The following PCDH11Y variants were observed in gnomAD, a reference collection of about 807,000 sequenced individuals.
The protein encoded by PCDH11Y is protocadherin-11 Y-linked.
For missense variants in PCDH11Y, 12 were observed against 224.8 expected (o/e 0.05, Z 6.05); for synonymous variants, 9 against 83.6 (o/e 0.11, Z 4.87).
chrY:5,386,912 T>TG (rs2053216166), intron 2 of PCDH11Y, among the ~76,000 whole-genome samples: 1 of 17,133 alleles, frequency 5.8e-5, no homozygotes, highest in Non-Finnish European at 1.2e-4. Context: ...GTGTGATTTT[T>TG]GGGGGAGTGT....
At chrY:5,186,094 G>C in intron 2 of PCDH11Y, among the ~76,000 whole-genome samples, 1 of 33,248 alleles carries the variant, frequency 3.0e-5, no homozygotes, top group Non-Finnish European at 7.4e-5. Context: ...CATAGTACTG[G>C]AAATCCTAGC....
intron 2 of PCDH11Y, among the ~76,000 whole-genome samples, chrY:5,487,992 A>G: frequency 3.0e-5 from 1 of 33,863 alleles, no homozygotes; most frequent in Non-Finnish European, 7.3e-5. Context: ...GAAAACTAAC[A>G]AAATGTAACA....
chrY:5,440,758 T>TAG (rs769163370), intron 2 of PCDH11Y, among the ~76,000 whole-genome samples: 7 of 14,574 alleles, frequency 4.8e-4, no homozygotes, highest in Non-Finnish European at 1.1e-3. Flanking sequence ...TATATATATA[T>TAG]AGAGAGAGAG....
At chrY:5,369,040 T>C (rs2053184613) in intron 2 of PCDH11Y, among the ~76,000 whole-genome samples, 1 of 33,285 alleles carries the variant, frequency 3.0e-5, no homozygotes, top group South Asian at 7.0e-4. Context: ...CTTTTGATTT[T>C]ATAGGCTCAT....
At chrY:5,490,446 A>C in intron 2 of PCDH11Y, among the ~76,000 whole-genome samples, 1 of 34,781 alleles carries the variant, frequency 2.9e-5, no homozygotes, top group African/African-American at 1.1e-4. Context: ...TAACATATGA[A>C]TTTTAGGGTG....
At chrY:5,435,323 T>A (rs2053273323) in intron 2 of PCDH11Y, among the ~76,000 whole-genome samples, 1 of 25,329 alleles carries the variant, frequency 3.9e-5, no homozygotes, top group Non-Finnish European at 9.7e-5. Flanking sequence ...TTTTTTTTTT[T>A]TTTTTTTTGA....
chrY:5,042,243 G>A lies in PCDH11Y; in HGVS notation c.32+9515G>A, dbSNP rs2124623691. On this transcript the variant is annotated intron_variant, in intron 3 of 5. Coordinates refer to the PCDH11Y transcript ENST00000333703. The stretch of plus-strand genomic sequence containing the variant: ...TCTTCTAGGGTTTTTATGGTTTTAG[G>A]TCTAACGTTTAAGTCTTTAATCCAT... Among the ~76,000 whole-genome samples, 23 of 22,923 alleles carry A rather than the reference G, an allele frequency of 1.0e-3. No individual in the cohort carries two copies. In the South Asian group the frequency reaches 0.028, roughly 28 times the overall value. The allele number at this position is 22,923 out of a possible 37,273, so 61.5% of individuals were successfully genotyped here. A position where few individuals can be genotyped will look rare whatever the true frequency, so the allele number is the denominator to read the frequency against.
intron 4 of PCDH11Y, among the ~76,000 whole-genome samples, chrY:5,667,610 ATCTCAGACTCCTGGGC>A (rs2053545880): frequency 1.2e-4 from 4 of 32,324 alleles, no homozygotes; most frequent in Non-Finnish European, 3.0e-4. Flanking sequence ...GCTCAGGCTG[ATCTCAGACTCCTGGGC>A]TCAAGCAATC....
chrY:5,336,600 C>CA (rs764821907), intron 2 of PCDH11Y, among the ~76,000 whole-genome samples: 17 of 4,179 alleles, frequency 4.1e-3, no homozygotes, highest in South Asian at 9.8e-3. Flanking sequence ...CCAGGCATAC[C>CA]AAAAAAAAAA....
At chrY:5,557,684 G>A in intron 3 of PCDH11Y, among the ~76,000 whole-genome samples, 2 of 32,119 alleles carry the variant, frequency 6.2e-5, no homozygotes, top group Non-Finnish European at 1.5e-4. Flanking sequence ...TTTCCTGATT[G>A]CTCTGGCTAG....
At chrY:5,238,952 T>C (rs1225151464) in intron 2 of PCDH11Y, among the ~76,000 whole-genome samples, 593 of 31,732 alleles carry the variant, frequency 0.019, no homozygotes, top group Non-Finnish European at 0.035. Context: ...TGTGGAGAAA[T>C]AGGAACACTT....
At chrY:5,034,939 G>A in intron 3 of PCDH11Y, among the ~76,000 whole-genome samples, 1 of 28,788 alleles carries the variant, frequency 3.5e-5, no homozygotes, top group African/African-American at 1.3e-4. Context: ...TGTTGGCTCG[G>A]CTGAAGAGGA....
At chrY:5,240,735 C>T (rs2052987379) in intron 2 of PCDH11Y, among the ~76,000 whole-genome samples, 1 of 27,047 alleles carries the variant, frequency 3.7e-5, no homozygotes, top group African/African-American at 1.6e-4. Context: ...AACAGATGTG[C>T]TGTCATCCAG....
At chrY:5,440,413 A>G in intron 2 of PCDH11Y, among the ~76,000 whole-genome samples, 1 of 32,042 alleles carries the variant, frequency 3.1e-5, no homozygotes, top group Non-Finnish European at 7.6e-5. Flanking sequence ...AGGGACGCTG[A>G]AAGATCCAAG....
At chrY:5,144,975 C>G in intron 2 of PCDH11Y, among the ~76,000 whole-genome samples, 2 of 26,468 alleles carry the variant, frequency 7.6e-5, no homozygotes. Flanking sequence ...CCCTCCTTCC[C>G]CTATTCCACA....
chrY:5,674,911 C>T (rs2053552250), intron 4 of PCDH11Y, among the ~76,000 whole-genome samples: 1 of 33,441 alleles, frequency 3.0e-5, no homozygotes, highest in East Asian at 8.0e-4. Flanking sequence ...CATTACCATC[C>T]CTTCTATTCA....
intron 2 of PCDH11Y, among the ~76,000 whole-genome samples, chrY:5,379,057 A>T (rs2053202247): frequency 3.1e-5 from 1 of 31,869 alleles, no homozygotes; most frequent in South Asian, 7.2e-4. Flanking sequence ...TTCAATTTTG[A>T]TGAATGAACT....
intron 2 of PCDH11Y, among the ~76,000 whole-genome samples, chrY:5,316,645 C>T (rs1602903455): frequency 1.2e-4 from 4 of 32,703 alleles, no homozygotes; most frequent in African/African-American, 4.8e-4. Flanking sequence ...AAGTAAGCCA[C>T]GATATACAAG....
chrY:5,384,205 C>G (rs1341885294), intron 2 of PCDH11Y, among the ~76,000 whole-genome samples: 1 of 32,190 alleles, frequency 3.1e-5, no homozygotes, highest in Non-Finnish European at 7.5e-5. Context: ...TTAATGGAAT[C>G]ATATGTAGGT....
Sources: allele counts gnomAD v4.1 joint callset (sites outside exome capture counted in the v4.1 genomes callset), GRCh38; gene constraint gnomAD v4.1.1; transcripts MANE v1.5; gene names NCBI Gene and HGNC (gene_info 2026-07-23, HGNC 2026-07-21).